PCSK2: variants seen among roughly 807,000 people sequenced by gnomAD.
PCSK2 encodes neuroendocrine convertase 2.
A neutral mutation model predicts 69.7 loss-of-function variants in PCSK2; 14 were observed. The observed-to-expected ratio is 0.20, with a 90% CI of 0.13 to 0.31. The LOEUF is 0.31. PCSK2 is among the 10% of genes least tolerant of loss of function. The pLI, the probability that PCSK2 is intolerant of heterozygous loss-of-function variation, is 1.00. For synonymous variants in PCSK2, 307 were observed against 320.7 expected, an observed-to-expected ratio of 0.96 and a Z score of 0.46; for missense variants, 544 against 842.5, an observed-to-expected ratio of 0.65 and a Z score of 4.39.
At chr20:17,396,215 G>A (rs938206872) in intron 5 of PCSK2, among the ~76,000 whole-genome samples, 4 of 152,166 alleles carry the variant, frequency 2.6e-5, no homozygotes, top group Admixed American at 2.0e-4. Flanking sequence ...TGATTTACAC[G>A]GTTGCTATTG....
intron 2 of PCSK2, among the ~76,000 whole-genome samples, chr20:17,328,837 G>A (rs1438220224): frequency 1.3e-5 from 2 of 152,208 alleles, no homozygotes; most frequent in East Asian, 1.9e-4. Flanking sequence ...GGGAGTTGTC[G>A]ACAGTCATGA....
chr20:17,387,921 T>G lies in PCSK2; in HGVS notation c.543+18644T>G, dbSNP rs560550861. Among the ~76,000 whole-genome samples the G allele has an allele frequency of 1.3e-4, 20 of 152,240 alleles. No individual in the cohort carries two copies. The South Asian group carries it at 4.1e-3, about 32-fold the overall frequency. ...GCGGAAGAGTACTCGGTGATATAAATGTGTTTAATATGGAGAACCAGATCT... is the reference window on the plus strand; with the variant it reads ...GCGGAAGAGTACTCGGTGATATAAAGGTGTTTAATATGGAGAACCAGATCT... On this transcript the variant is annotated intron_variant, in intron 5 of 11. Transcript: ENST00000262545.
chr20:17,272,632 A>C (rs1161613230), intron 2 of PCSK2, among the ~76,000 whole-genome samples: 1 of 152,080 alleles, frequency 6.6e-6, no homozygotes, highest in Non-Finnish European at 1.5e-5. Flanking sequence ...AAAAAAGTTA[A>C]ATAGTACAAA....
chr20:17,482,904 A>G lies in PCSK2; in HGVS notation c.*834A>G, dbSNP rs570426124. On this transcript the variant is annotated 3_prime_UTR_variant, in exon 12 of 12. Coordinates refer to ENST00000262545, the MANE Select transcript of PCSK2 (RefSeq NM_002594.5). ...CATAGCTACCCAAAAGAGAAAAAAA[A>G]TTAAGACAAGCCTGGCAACACACCT... The G allele has an allele frequency of 9.2e-5, 14 of 152,376 alleles. 1 individual carries two copies. In the East Asian group the frequency reaches 2.7e-3, roughly 29 times the overall value. 9.4% of individuals were successfully genotyped at this position (152,376 alleles called of 1,614,324 possible).
intron 2 of PCSK2, among the ~76,000 whole-genome samples, chr20:17,312,971 T>C (rs1334451194): frequency 6.6e-6 from 1 of 152,210 alleles, no homozygotes; most frequent in Non-Finnish European, 1.5e-5. Flanking sequence ...CGAAAGCATC[T>C]TCCCCTCTGA....
At chr20:17,248,805 T>G (rs1986863736) in intron 1 of PCSK2, among the ~76,000 whole-genome samples, 1 of 152,154 alleles carries the variant, frequency 6.6e-6, no homozygotes, top group Non-Finnish European at 1.5e-5. Context: ...GTCCCACTCA[T>G]CTCCATCAGG....
chr20:17,363,357 A>C (rs746564563), intron 4 of PCSK2, among the ~76,000 whole-genome samples: 1 of 152,224 alleles, frequency 6.6e-6, no homozygotes, highest in African/African-American at 2.4e-5. Flanking sequence ...CACATGCTAC[A>C]TATCACTAGG....
intron 6 of PCSK2, among the ~76,000 whole-genome samples, chr20:17,428,864 G>A (rs955336130): frequency 2.0e-5 from 3 of 151,184 alleles, no homozygotes; most frequent in Non-Finnish European, 3.0e-5. Context: ...GCCAGGCGTG[G>A]TGCACACACC....
chr20:17,341,279 G>T (rs1990504270), intron 2 of PCSK2, among the ~76,000 whole-genome samples: 1 of 152,092 alleles, frequency 6.6e-6, no homozygotes, highest in Non-Finnish European at 1.5e-5. Context: ...GGTTTAAATT[G>T]AATCTCTTCC....
At chr20:17,407,525 G>C (rs6044786) in intron 5 of PCSK2, among the ~76,000 whole-genome samples, 1 of 152,128 alleles carries the variant, frequency 6.6e-6, no homozygotes, top group Non-Finnish European at 1.5e-5. Context: ...TCAGAGGTTA[G>C]GAGAACAGAA....
chr20:17,433,797 C>CTCTCTCTCTCTCTCTG (rs2032417575), intron 7 of PCSK2, among the ~76,000 whole-genome samples: 2 of 120,166 alleles, frequency 1.7e-5, no homozygotes, highest in Admixed American at 7.6e-5. Context: ...CTCTCTCTCT[C>CTCTCTCTCTCTCTCTG]TCTCTCTCTC....
chr20:17,376,854 G>A (rs1202682315), intron 5 of PCSK2, among the ~76,000 whole-genome samples: 3 of 152,168 alleles, frequency 2.0e-5, no homozygotes, highest in Non-Finnish European at 4.4e-5. Context: ...TTGTTAAATT[G>A]CATTAAATGT....
In PCSK2 at chr20:17,347,860, GAGGAGAGAGA is replaced by G. The variant is rs1568612152; in HGVS notation, c.283-10465_283-10456del. On this transcript the variant is annotated intron_variant, in intron 2 of 11. Coordinates refer to ENST00000262545, the MANE Select transcript of PCSK2 (RefSeq NM_002594.5). The stretch of plus-strand genomic sequence containing the variant: ...AGAAAGAAAGAAAGAAAGAAAGAAA[GAGGAGAGAGA>G]AAAAAGAAAGAAAGAAAGAAAGAAA... Among the ~76,000 whole-genome samples the G allele has an allele frequency of 6.4e-3, 569 of 88,590 alleles. 62 individuals carry two copies. The highest frequency in any genetic ancestry group is 0.032 in the East Asian group (108 of 3,396). The allele number at this position is 88,590 out of a possible 152,430, so 58.1% of individuals were successfully genotyped here. A position where few individuals can be genotyped will look rare whatever the true frequency, so the allele number is the denominator to read the frequency against.
intron 5 of PCSK2, among the ~76,000 whole-genome samples, chr20:17,370,054 T>G (rs1281928075): frequency 1.3e-5 from 2 of 152,218 alleles, no homozygotes; most frequent in Non-Finnish European, 2.9e-5. Flanking sequence ...ACACGCTGCT[T>G]TCCTGATGAA....
intron 11 of PCSK2, among the ~76,000 whole-genome samples, chr20:17,477,223 T>C (rs1003952923): frequency 1.5e-4 from 23 of 152,200 alleles, no homozygotes; most frequent in Non-Finnish European, 2.5e-4. Flanking sequence ...TTTAAAAATA[T>C]TTTACTTATA....
At position 17,238,918 on chromosome 20, in the gene PCSK2, AT is replaced by A. The variant is rs1167087550; in HGVS notation, c.177+11437del. On this transcript the variant is annotated intron_variant, in intron 1 of 11. Transcript: ENST00000262545. ...GTGCTATATATTTAGTAAGCACTCA[AT>A]AAATACCAAAATAAATACTGAGAAA... Among the ~76,000 whole-genome samples, 3 of 152,176 alleles carry A rather than the reference AT, an allele frequency of 2.0e-5. No individual in the cohort carries two copies. In the East Asian group the frequency reaches 5.8e-4, roughly 29 times the overall value.
At chr20:17,262,176 C>A (rs1280003025) in intron 2 of PCSK2, among the ~76,000 whole-genome samples, 1 of 152,176 alleles carries the variant, frequency 6.6e-6, no homozygotes, top group African/African-American at 2.4e-5. Context: ...TGATTCTAAT[C>A]ATTTGTCTTT....
chr20:17,230,307 G>T (rs945439532), intron 1 of PCSK2, among the ~76,000 whole-genome samples: 2 of 152,140 alleles, frequency 1.3e-5, no homozygotes, highest in African/African-American at 2.4e-5. Flanking sequence ...AGCAATGGAG[G>T]CTAGAAGAAC....
Position 17,450,017 on chromosome 20 carries a change from C to CTTTTTTTTTTTTTTTT in PCSK2, c.886-3710_886-3695dup, listed in dbSNP as rs61156656. ...TTTTTAAGTTTGTTGAATTTCTTCC[C>CTTTTTTTTTTTTTTTT]TTTTTTTTTTTTTTTTTTTTTTTTT... On this transcript the variant is annotated intron_variant, in intron 8 of 11. Transcript: ENST00000262545. Among the ~76,000 whole-genome samples the CTTTTTTTTTTTTTTTT allele has an allele frequency of 4.6e-3, 282 of 61,834 alleles. 36 individuals are homozygous for CTTTTTTTTTTTTTTTT. Among genetic ancestry groups the CTTTTTTTTTTTTTTTT allele is most frequent in the Non-Finnish European group, 6.5e-3 (229 of 34,976 alleles). The allele number at this position is 61,834 out of a possible 152,430, so 40.6% of individuals were successfully genotyped here.
Sources: gnomAD v4.1 joint callset for allele counts (sites outside exome capture counted in the v4.1 genomes callset) on GRCh38, gnomAD v4.1.1 for gene constraint, MANE v1.5 for transcripts, NCBI Gene and HGNC (gene_info 2026-07-23, HGNC 2026-07-21) for gene names.